PLXNA4: variants seen among roughly 807,000 people sequenced by gnomAD.
PLXNA4 encodes the protein plexin-A4.
PLXNA4 carries 44 observed loss-of-function variants against 191.8 expected under a neutral mutation model. That is an observed-to-expected ratio of 0.23 (90% CI 0.18 to 0.29). The LOEUF is 0.29. Among genes scored for constraint, PLXNA4 ranks in the 10% least tolerant of loss-of-function variants. The pLI, the probability that PLXNA4 is intolerant of heterozygous loss-of-function variation, is 1.00. For missense variants in PLXNA4, 1,800 were observed against 2,488.8 expected, an observed-to-expected ratio of 0.72 and a Z score of 5.89; for synonymous variants, 1,082 against 1,009.5, an observed-to-expected ratio of 1.07 and a Z score of -1.36.
intron 5 of PLXNA4, among the ~76,000 whole-genome samples, chr7:132,234,815 T>C: frequency 6.6e-6 from 1 of 152,132 alleles, no homozygotes; most frequent in Middle Eastern, 3.2e-3. Flanking sequence ...AAGGAAAATC[T>C]CCTTGCACAG....
intron 2 of PLXNA4, among the ~76,000 whole-genome samples, chr7:132,628,561 C>T (rs1026140784): frequency 1.3e-5 from 2 of 150,796 alleles, no homozygotes; most frequent in Non-Finnish European, 3.0e-5. Flanking sequence ...TGTCCTCTCT[C>T]TCTCTCCCTC....
At chr7:132,530,791 T>C (rs934783311) in intron 1 of PLXNA4, among the ~76,000 whole-genome samples, 2 of 152,230 alleles carry the variant, frequency 1.3e-5, no homozygotes, top group African/African-American at 4.8e-5. Flanking sequence ...CAATGTTCAT[T>C]GCAGACAACG....
At chr7:132,369,210 C>T (rs764810248) in intron 3 of PLXNA4, among the ~76,000 whole-genome samples, 21 of 152,206 alleles carry the variant, frequency 1.4e-4, no homozygotes, top group Non-Finnish European at 2.8e-4. Context: ...GCAGCAGAGA[C>T]AGGACTAAGC....
At chr7:132,609,124 T>C (rs1170521925) in intron 2 of PLXNA4, among the ~76,000 whole-genome samples, 1 of 152,198 alleles carries the variant, frequency 6.6e-6, no homozygotes, top group Non-Finnish European at 1.5e-5. Flanking sequence ...CCCAGTGGGA[T>C]TCATCACACC....
chr7:132,433,030 G>A (rs1420410544), intron 3 of PLXNA4, among the ~76,000 whole-genome samples: 1 of 152,138 alleles, frequency 6.6e-6, no homozygotes, highest in Admixed American at 6.5e-5. Context: ...TTACACATAG[G>A]AGGTTTCTGT....
chr7:132,456,710 A>G (rs1212843333), intron 3 of PLXNA4, among the ~76,000 whole-genome samples: 3 of 132,320 alleles, frequency 2.3e-5, no homozygotes, highest in Admixed American at 2.2e-4. Flanking sequence ...AGGGGAGGGG[A>G]GGGGAGGAGG....
rs1467283915 is a variant in PLXNA4, at chr7:132,474,462, C to T, written c.1371+14830G>A. ...AAGCCTTGCAGAGCTGAGCCTGCCC[C>T]GCCCATCCTGCTTTCCATCACCCAG... On this transcript the variant is annotated intron_variant, in intron 3 of 31. Transcript: ENST00000321063. Among the ~76,000 whole-genome samples, 11 of 152,074 alleles carry T rather than the reference C, an allele frequency of 7.2e-5. 1 individual carries two copies. In the East Asian group the frequency reaches 1.2e-3, roughly 16 times the overall value.
chr7:132,395,855 T>C (rs891470157), intron 3 of PLXNA4, among the ~76,000 whole-genome samples: 5 of 152,140 alleles, frequency 3.3e-5, no homozygotes, highest in Non-Finnish European at 7.4e-5. Context: ...CAAATTAGAG[T>C]TTCTCCCATT....
rs1300894470 is a variant in PLXNA4, at chr7:132,132,992, T to G, written c.5589+57A>C. The G allele has an allele frequency of 3.2e-6, 5 of 1,580,446 alleles. No homozygotes were observed. The South Asian group carries it at 3.6e-5, about 11-fold the overall frequency. ...TCTCTTATACGGAGGCATGCAGGGT[T>G]GTCTTCATTCTCTTCCCCCTTCCAT... On this transcript the variant is annotated intron_variant, in intron 31 of 31. Transcript: ENST00000321063.
At chr7:132,158,811 G>A (rs1795866655) in intron 25 of PLXNA4, among the ~76,000 whole-genome samples, 1 of 152,212 alleles carries the variant, frequency 6.6e-6, no homozygotes, top group Non-Finnish European at 1.5e-5. Flanking sequence ...GATTTCCCCA[G>A]GATGGCATCC....
intron 5 of PLXNA4, among the ~76,000 whole-genome samples, chr7:132,240,100 T>G (rs58445421): frequency 0.01 from 1,560 of 152,328 alleles, 32 homozygotes; most frequent in African/African-American, 0.035. Context: ...ATTGGTCACA[T>G]GTAGTTCAGG....
At chr7:132,387,659 A>G (rs571673760) in intron 3 of PLXNA4, among the ~76,000 whole-genome samples, 36 of 152,334 alleles carry the variant, frequency 2.4e-4, no homozygotes, top group South Asian at 8.3e-4. Context: ...TTATGAATCC[A>G]GTATTGGGAA....
intron 10 of PLXNA4, among the ~76,000 whole-genome samples, chr7:132,205,958 T>C (rs1284115007): frequency 6.6e-6 from 1 of 152,214 alleles, no homozygotes; most frequent in Non-Finnish European, 1.5e-5. Flanking sequence ...CATGTGAGCA[T>C]CTGTGTACTC....
chr7:132,575,520 G>A (rs1802185968), intron 1 of PLXNA4, among the ~76,000 whole-genome samples: 2 of 152,178 alleles, frequency 1.3e-5, no homozygotes, highest in African/African-American at 4.8e-5. Context: ...AAAGGCATGT[G>A]ACAGGTGTTC....
At chr7:132,394,838 G>A (rs1793682141) in intron 3 of PLXNA4, among the ~76,000 whole-genome samples, 1 of 152,200 alleles carries the variant, frequency 6.6e-6, no homozygotes, top group Admixed American at 6.5e-5. Context: ...CTGAGCTCCT[G>A]CCCTTCCTCC....
In PLXNA4 at chr7:132,508,800, G is replaced by A; in HGVS notation, c.-86-21C>T. On this transcript the variant is annotated intron_variant, in intron 1 of 31. Coordinates refer to ENST00000321063, the MANE Select transcript of PLXNA4 (RefSeq NM_020911.2). The surrounding 1 kb of genome is among the most constrained non-coding windows in gnomAD (Gnocchi z 4.4). ...CCCTACTGGAGAAAGGGAAGACAAT[G>A]AGCTGGATAACAATGCCAGTGGCTT... 1 of 1,434,212 alleles carries A rather than the reference G, an allele frequency of 7.0e-7. No homozygotes were observed. The allele number at this position is 1,434,212 out of a possible 1,614,324, so 88.8% of individuals were successfully genotyped here. A position where few individuals can be genotyped will look rare whatever the true frequency, so the allele number is the denominator to read the frequency against.
intron 4 of PLXNA4, among the ~76,000 whole-genome samples, chr7:132,259,297 G>A (rs557329143): frequency 6.6e-6 from 1 of 151,774 alleles, no homozygotes; most frequent in African/African-American, 2.4e-5. Flanking sequence ...CTAGCTGGGT[G>A]TGGTGGCACG....
chr7:132,476,549 C>A (rs982837519), intron 3 of PLXNA4, among the ~76,000 whole-genome samples: 2 of 152,166 alleles, frequency 1.3e-5, no homozygotes, highest in African/African-American at 4.8e-5. Context: ...AACCCTGATA[C>A]GGAGGCATGT....
At chr7:132,312,709 T>C (rs1271142064) in intron 3 of PLXNA4, among the ~76,000 whole-genome samples, 2 of 152,168 alleles carry the variant, frequency 1.3e-5, no homozygotes, top group African/African-American at 4.8e-5. Context: ...ACATGACCTT[T>C]GGGAAATGAG....
Sources: gnomAD v4.1 joint callset for allele counts (sites outside exome capture counted in the v4.1 genomes callset) on GRCh38, gnomAD v4.1.1 for gene constraint, Gnocchi (gnomAD v3.1) non-coding constraint, MANE v1.5 for transcripts, NCBI Gene and HGNC (gene_info 2026-07-23, HGNC 2026-07-21) for gene names.